LINGO2: variants seen among roughly 807,000 people sequenced by gnomAD.
The protein encoded by LINGO2 is leucine-rich repeat and immunoglobulin-like domain-containing nogo receptor-interacting protein 2.
A neutral mutation model predicts 30.6 loss-of-function variants in LINGO2; 14 were observed. The ratio of observed to expected loss-of-function variants is 0.46; its 90% CI spans 0.30 to 0.72. The LOEUF is 0.72. Ranked by LOEUF, LINGO2 falls within the 30% of genes least tolerant of loss-of-function variation. LINGO2 has a pLI of 0.07. For synonymous variants in LINGO2, 317 were observed against 288.5 expected (o/e 1.10, Z -1.00); for missense variants, 729 against 751.7 (o/e 0.97, Z 0.35).
chr9:28,373,346 C>T (rs1820978648), intron 2 of LINGO2, among the ~76,000 whole-genome samples: 1 of 152,142 alleles, frequency 6.6e-6, no homozygotes, highest in South Asian at 2.1e-4. Context: ...TGCGTCTTCT[C>T]TCTCCTTACT....
chr9:28,323,132 C>G (rs2134309376), intron 3 of LINGO2, among the ~76,000 whole-genome samples: 1 of 152,090 alleles, frequency 6.6e-6, no homozygotes, highest in South Asian at 2.1e-4. Flanking sequence ...ATTATGCCAC[C>G]TAAAATACAG....
intron 4 of LINGO2, among the ~76,000 whole-genome samples, chr9:28,069,872 G>A (rs1462325928): frequency 6.6e-6 from 1 of 152,164 alleles, no homozygotes; most frequent in African/African-American, 2.4e-5. Flanking sequence ...TTGCTTAACT[G>A]CCAAATAGCC....
chr9:29,004,134 G>T, the LINGO2 span, among the ~76,000 whole-genome samples: 1 of 151,950 alleles, frequency 6.6e-6, no homozygotes, highest in East Asian at 1.9e-4. Context: ...ACAAAAGAAA[G>T]AAATTAATCC....
chr9:28,225,805 AAAT>A (rs1821125269), intron 4 of LINGO2, among the ~76,000 whole-genome samples: 2 of 152,134 alleles, frequency 1.3e-5, no homozygotes, highest in Non-Finnish European at 2.9e-5. Context: ...ATAAAAATAG[AAAT>A]AATGAGATTC....
chr9:28,903,039 A>G, the LINGO2 span, among the ~76,000 whole-genome samples: 156 of 152,054 alleles, frequency 1.0e-3, no homozygotes, highest in Middle Eastern at 0.014. Context: ...GCAGAAATAA[A>G]TAAAATATAG....
At chr9:28,204,081 T>C (rs1314351410) in intron 4 of LINGO2, among the ~76,000 whole-genome samples, 1 of 152,188 alleles carries the variant, frequency 6.6e-6, no homozygotes, top group Non-Finnish European at 1.5e-5. Context: ...CATGGAATAC[T>C]CTTTAATACT....
the LINGO2 span, among the ~76,000 whole-genome samples, chr9:28,858,874 C>T: frequency 2.6e-5 from 4 of 152,124 alleles, no homozygotes; most frequent in Admixed American, 6.6e-5. Context: ...ATTTCCCAAA[C>T]GTAGCTCTTG....
intron 1 of LINGO2, among the ~76,000 whole-genome samples, chr9:28,524,552 AG>A (rs1322364265): frequency 6.6e-6 from 1 of 152,194 alleles, no homozygotes; most frequent in Non-Finnish European, 1.5e-5. Flanking sequence ...CAGGAGTTCA[AG>A]ACCAGTCTGG....
intron 3 of LINGO2, among the ~76,000 whole-genome samples, chr9:28,306,252 C>T (rs1824348064): frequency 6.6e-6 from 1 of 151,526 alleles, no homozygotes; most frequent in African/African-American, 2.4e-5. Flanking sequence ...GAACTTAAAA[C>T]ATGTTTAAAT....
intron 4 of LINGO2, among the ~76,000 whole-genome samples, chr9:28,123,365 G>C (rs1217821176): frequency 6.6e-6 from 1 of 152,186 alleles, no homozygotes; most frequent in Non-Finnish European, 1.5e-5. Context: ...ATCTGGACTT[G>C]ATTCCAGCAC....
the LINGO2 span, among the ~76,000 whole-genome samples, chr9:29,071,482 C>CATATATATATATATATATAT: frequency 8.3e-6 from 1 of 120,876 alleles, no homozygotes; most frequent in Admixed American, 8.4e-5. Flanking sequence ...ATTAACTGGT[C>CATATATATATATATATATAT]ATATATATAT....
chr9:28,806,154 A>T, the LINGO2 span, among the ~76,000 whole-genome samples: 1 of 152,146 alleles, frequency 6.6e-6, no homozygotes, highest in East Asian at 1.9e-4. Flanking sequence ...TGCTTATCAT[A>T]GAATGTCCTA....
chr9:29,179,665 A>G, the LINGO2 span, among the ~76,000 whole-genome samples: 11 of 152,138 alleles, frequency 7.2e-5, no homozygotes, highest in Non-Finnish European at 1.6e-4. Flanking sequence ...TCAGCTTCCC[A>G]AAGTGCTGGG....
chr9:28,046,963 G>A (rs970853494), intron 4 of LINGO2, among the ~76,000 whole-genome samples: 1 of 152,150 alleles, frequency 6.6e-6, no homozygotes, highest in African/African-American at 2.4e-5. Context: ...AGCACAGTGA[G>A]ATGGGAGAAA....
At chr9:27,983,802 T>C (rs1337989979) in intron 5 of LINGO2, among the ~76,000 whole-genome samples, 1 of 151,864 alleles carries the variant, frequency 6.6e-6, no homozygotes. Context: ...TTCACATACT[T>C]AAGTTTGACT....
chr9:28,997,750 G>C, the LINGO2 span, among the ~76,000 whole-genome samples: 16 of 152,054 alleles, frequency 1.1e-4, no homozygotes, highest in Non-Finnish European at 7.4e-5. Context: ...ATGAACCCAG[G>C]AGGCACAGCT....
At chr9:28,362,215 T>TGC (rs34655081) in intron 3 of LINGO2, among the ~76,000 whole-genome samples, 1 of 37,468 alleles carries the variant, frequency 2.7e-5, no homozygotes, top group African/African-American at 7.5e-5. Context: ...TGTGTGTGTA[T>TGC]GTGTGTGTGT....
chr9:28,088,211 C>T (rs201633978), intron 4 of LINGO2, among the ~76,000 whole-genome samples: 2 of 71,976 alleles, frequency 2.8e-5, no homozygotes, highest in Non-Finnish European at 3.0e-5. Flanking sequence ...TATACACACA[C>T]ACACACACAC....
chr9:29,181,805 CTGAG>C, the LINGO2 span, among the ~76,000 whole-genome samples: 1 of 152,022 alleles, frequency 6.6e-6, no homozygotes, highest in South Asian at 2.1e-4. Context: ...TTGTATTCCT[CTGAG>C]TATTAAAAAA....
Sources: gnomAD v4.1 joint callset for allele counts (sites outside exome capture counted in the v4.1 genomes callset) on GRCh38, gnomAD v4.1.1 for gene constraint, MANE v1.5 for transcripts, NCBI Gene and HGNC (gene_info 2026-07-23, HGNC 2026-07-21) for gene names.